The following TNRC18 variants were observed in gnomAD, a reference collection of about 807,000 sequenced individuals.
TNRC18 encodes the protein trinucleotide repeat containing 18, also known as trinucleotide repeat-containing gene 18 protein.
A neutral mutation model predicts 226.7 loss-of-function variants in TNRC18; 69 were observed. That is an observed-to-expected ratio of 0.30 (90% CI 0.25 to 0.37). The LOEUF (loss-of-function observed/expected upper bound fraction) is 0.37. Ranked by LOEUF, TNRC18 falls within the 10% of genes least tolerant of loss-of-function variation. The pLI is 1.00. For synonymous variants in TNRC18, 2,449 were observed against 1,927.6 expected, an observed-to-expected ratio of 1.27 and a Z score of -7.09; for missense variants, 4,754 against 4,256.6, an observed-to-expected ratio of 1.12 and a Z score of -3.25.
rs760039125 is a variant in TNRC18, at chr7:5,357,041, G to A, written c.5069C>T (p.Ser1690Phe). ...CCTTTTGTGTTTACCTTCTCTGGAG[G>A]ATTTCAGAGACAGGCCGAGGCCCTT... is the stretch of plus-strand genomic sequence containing the variant. ...LAKGLGLSLKSSREGKHKRAA... is the reference protein window; with the variant it reads ...LAKGLGLSLKFSREGKHKRAA... The change falls in exon 16 of 30, where the codon TCC becomes TTC. Residue 1690 changes from serine to phenylalanine, a missense_variant. Physicochemically the swap from Ser to Phe is radical, Grantham distance 155. Coordinates refer to ENST00000430969, the MANE Select transcript of TNRC18 (RefSeq NM_001080495.3). 2 of 1,552,282 alleles carry A rather than the reference G, an allele frequency of 1.3e-6. No homozygotes were observed. Among genetic ancestry groups the A allele is most frequent in the South Asian group, 1.2e-5 (1 of 84,068 alleles).
intron 19 of TNRC18, among the ~76,000 whole-genome samples, chr7:5,326,538 T>C (rs933341617): frequency 6.6e-6 from 1 of 151,830 alleles, no homozygotes; most frequent in Non-Finnish European, 1.5e-5. Context: ...CTCAACCTCC[T>C]GGGCTCAAGC....
intron 5 of TNRC18, among the ~76,000 whole-genome samples, chr7:5,379,139 G>A (rs1779216857): frequency 6.6e-6 from 1 of 152,022 alleles, no homozygotes; most frequent in African/African-American, 2.4e-5. Flanking sequence ...AGAGGTTGCA[G>A]TGAGCCGAGA....
chr7:5,420,887 C>G (rs774376403), intron 2 of TNRC18, 173 bp downstream of exon 2: 81 of 838,872 alleles, frequency 9.7e-5, no homozygotes, highest in African/African-American at 2.2e-4. Context: ...CACTCTCCAC[C>G]GCCTTGGCTC....
chr7:5,339,997 ATT>A (rs754459007), intron 18 of TNRC18, among the ~76,000 whole-genome samples: 8 of 152,146 alleles, frequency 5.3e-5, no homozygotes, highest in Non-Finnish European at 1.0e-4. Flanking sequence ...CAATACCGAA[ATT>A]AGGTCAATTA....
intron 11 of TNRC18, among the ~76,000 whole-genome samples, chr7:5,367,193 C>T (rs1278252190): frequency 6.6e-6 from 1 of 151,876 alleles, no homozygotes; most frequent in South Asian, 2.1e-4. Context: ...GGGGAAACCC[C>T]GTCTCTACTA....
chr7:5,333,023 C>G lies in TNRC18; in HGVS notation c.5746G>C (p.Glu1916Gln). 1 of 1,578,972 alleles carries G rather than the reference C, an allele frequency of 6.3e-7. No homozygotes were observed. The highest frequency in any genetic ancestry group is 8.5e-7 in the Non-Finnish European group (1 of 1,170,716). The change falls in exon 19 of 30, where the codon GAG becomes CAG. Residue 1916 changes from glutamate to glutamine, a missense_variant. Glu to Gln is a conservative substitution (Grantham distance 29, BLOSUM62 2). Transcript: ENST00000430969. Reference sequence around the variant, plus strand: ...CGCTTGCGCACCTTGACCTCGCTCTCTGAGTCGGTGTACTCGAACTCTGTG... The same window carrying G: ...CGCTTGCGCACCTTGACCTCGCTCTGTGAGTCGGTGTACTCGAACTCTGTG... ...LGTEFEYTDS[E>Q]SEVKVRKRSP...
rs557033509 is a variant in TNRC18 at position 5,396,268 on chromosome 7, A to G, written c.188-1673T>C. Among the ~76,000 whole-genome samples, 3 of 151,956 alleles carry G rather than the reference A, an allele frequency of 2.0e-5. No homozygotes were observed. The East Asian group carries it at 5.8e-4, about 30-fold the overall frequency. On this transcript the variant is annotated intron_variant, in intron 2 of 29. Coordinates refer to ENST00000430969, the MANE Select transcript of TNRC18 (RefSeq NM_001080495.3). ...GAGGCTGAGGCAGGAGAATCACTTG[A>G]ACCCAGGAGGTGGAGGTTGCAGTGA...
chr7:5,398,964 G>C (rs1562618440), intron 2 of TNRC18, among the ~76,000 whole-genome samples: 1 of 152,172 alleles, frequency 6.6e-6, no homozygotes, highest in Non-Finnish European at 1.5e-5. Context: ...AACGCAAAGA[G>C]ATACACATTA....
rs570154149 is a variant in TNRC18 at position 5,348,848 on chromosome 7, C to T, written c.5470+2971G>A. 2.0e-5 allele frequency among the ~76,000 whole-genome samples: 3 copies of T among 152,172 alleles called. No individual in the cohort carries two copies. The East Asian group carries it at 5.8e-4, about 30-fold the overall frequency. ...GCGTCACATGGCTCTGTCTCCGCCC[C>T]AGTGGGCCACAGCGGCAAAGCAGGC... On this transcript the variant is annotated intron_variant, in intron 17 of 29. Coordinates refer to ENST00000430969, the MANE Select transcript of TNRC18 (RefSeq NM_001080495.3).
chr7:5,350,599 G>A (rs759459452), intron 17 of TNRC18, among the ~76,000 whole-genome samples: 1 of 152,184 alleles, frequency 6.6e-6, no homozygotes, highest in Non-Finnish European at 1.5e-5. Context: ...AGTTCGCCCT[G>A]AAGCAAATCC....
At chr7:5,353,423 G>C (rs4724587) in intron 16 of TNRC18, among the ~76,000 whole-genome samples, 23,790 of 151,966 alleles carry the variant, frequency 0.16, 2,719 homozygotes, top group East Asian at 0.61. Flanking sequence ...TTGTATTGTA[G>C]TGGACAGGGC....
In TNRC18 at chr7:5,326,167, G is replaced by A. The variant is rs563806759; in HGVS notation, c.6148-919C>T. Among the ~76,000 whole-genome samples the A allele has an allele frequency of 3.0e-4, 45 of 152,056 alleles. 1 individual carries two copies. The highest frequency in any genetic ancestry group is 3.9e-4 in the Admixed American group (6 of 15,264). Reference sequence around the variant, plus strand: ...AGTCAGCTACTAGTAACAGCATGGTGTATCCTTCTAGAACTTTCCACAAGC... The same window carrying A: ...AGTCAGCTACTAGTAACAGCATGGTATATCCTTCTAGAACTTTCCACAAGC... On this transcript the variant is annotated intron_variant, in intron 19 of 29. Coordinates refer to ENST00000430969, the MANE Select transcript of TNRC18 (RefSeq NM_001080495.3).
chr7:5,399,790 GGTGGATC>G (rs1780954969), intron 2 of TNRC18, among the ~76,000 whole-genome samples: 2 of 152,122 alleles, frequency 1.3e-5, no homozygotes, highest in Admixed American at 6.6e-5. Flanking sequence ...GGCCTAGGCG[GGTGGATC>G]GTGGATCACT....
chr7:5,345,419 G>A, intron 18 of TNRC18, 143 bp downstream of exon 18: 1 of 818,370 alleles, frequency 1.2e-6, no homozygotes. Context: ...GATCAGCACG[G>A]GGCTGGCCCA....
chr7:5,312,135 CAAAAA>C lies in TNRC18; in HGVS notation c.8388+363_8388+367del, dbSNP rs1361329150. On this transcript the variant is annotated intron_variant, in intron 27 of 29. Coordinates refer to ENST00000430969, the MANE Select transcript of TNRC18 (RefSeq NM_001080495.3). This position sits in a 1 kb window ranked among gnomAD's most constrained non-coding sequence, Gnocchi z 6.3. The stretch of plus-strand genomic sequence containing the variant: ...TGGGCAACAGAGAGAGACTCAGTCT[CAAAAA>C]AAGAAAAAGGAAAAAATCCCAGAGG... 6.6e-6 allele frequency among the ~76,000 whole-genome samples: 1 copy of C among 152,004 alleles called. No homozygotes were observed. Among genetic ancestry groups the C allele is most frequent in the Non-Finnish European group, 1.5e-5 (1 of 67,986 alleles).
intron 14 of TNRC18, among the ~76,000 whole-genome samples, chr7:5,360,884 C>A (rs1583910111): frequency 1.3e-5 from 2 of 152,290 alleles, no homozygotes; most frequent in East Asian, 1.9e-4. Context: ...AAGGTCCCCC[C>A]ACGCTCCTTC....
intron 18 of TNRC18, among the ~76,000 whole-genome samples, chr7:5,339,563 GTGTGTGTGTGTGTGTT>G (rs1472949384): frequency 1.3e-5 from 2 of 149,540 alleles, no homozygotes; most frequent in Non-Finnish European, 3.0e-5. Context: ...GTGTGTGTGT[GTGTGTGTGTGTGTGTT>G]TTTCGACAGA....
Position 5,388,461 on chromosome 7 carries a change from C to T in TNRC18, c.1363G>A (p.Asp455Asn), listed in dbSNP as rs1779992030. ...PTVRATRASP[D>N]PRAYVPAKEL... Reference sequence around the variant, plus strand: ...TTGGCAGGCACGTAGGCGCGGGGGTCCGGGGAGGCGCGTGTGGCCCGCACC... The same window carrying T: ...TTGGCAGGCACGTAGGCGCGGGGGTTCGGGGAGGCGCGTGTGGCCCGCACC... The change falls in exon 5 of 30, where the codon GAC becomes AAC. Residue 455 changes from aspartate (D) to asparagine (N), a missense_variant. Transcript: ENST00000430969. 7 of 1,439,064 alleles carry T rather than the reference C, an allele frequency of 4.9e-6. No homozygotes were observed. The highest frequency in any genetic ancestry group is 1.5e-5 in the African/African-American group (1 of 65,660). The allele number at this position is 1,439,064 out of a possible 1,614,324, so 89.1% of individuals were successfully genotyped here.
chr7:5,312,298 G>T lies in TNRC18; in HGVS notation c.8388+205C>A, dbSNP rs1170312646. Among the ~76,000 whole-genome samples, 1 of 152,208 alleles carries T rather than the reference G, an allele frequency of 6.6e-6. No homozygotes were observed. The highest frequency in any genetic ancestry group is 1.9e-4 in the East Asian group (1 of 5,198). On this transcript the variant is annotated intron_variant, in intron 27 of 29. Coordinates refer to ENST00000430969, the MANE Select transcript of TNRC18 (RefSeq NM_001080495.3). This position sits in a 1 kb window ranked among gnomAD's most constrained non-coding sequence, Gnocchi z 6.3. Reference sequence around the variant, plus strand: ...AGGGCAGGACCACTCTGCTCTGAAGGACTCGGGCATCGGAGTCCGACAGAC... The same window carrying T: ...AGGGCAGGACCACTCTGCTCTGAAGTACTCGGGCATCGGAGTCCGACAGAC...
Sources: allele counts gnomAD v4.1 joint callset (sites outside exome capture counted in the v4.1 genomes callset), GRCh38; gene constraint gnomAD v4.1.1; non-coding constraint Gnocchi (gnomAD v3.1); transcripts MANE v1.5; gene names NCBI Gene and HGNC (gene_info 2026-07-23, HGNC 2026-07-21).